Variants in ZNF644 observed in about 807,000 individuals in gnomAD.
The protein encoded by ZNF644 is zinc finger motif enhancer binding protein 2.
Under a neutral mutation model 108.0 loss-of-function variants are expected in ZNF644, and 20 were observed. That is an observed-to-expected ratio of 0.19 (90% CI 0.13 to 0.27). The LOEUF (loss-of-function observed/expected upper bound fraction) is 0.27, where lower values mean the gene tolerates loss of function less well. ZNF644 is among the 10% of genes least tolerant of loss of function. The pLI is 1.00. For synonymous variants in ZNF644, 542 were observed against 539.1 expected, an observed-to-expected ratio of 1.01 and a Z score of -0.08; for missense variants, 1,338 against 1,548.9, an observed-to-expected ratio of 0.86 and a Z score of 2.29.
chr1:90,926,459 G>T (rs2100828268), intron 4 of ZNF644, among the ~76,000 whole-genome samples: 1 of 152,246 alleles, frequency 6.6e-6, no homozygotes, highest in African/African-American at 2.4e-5. Flanking sequence ...TCTGTCTGAG[G>T]ATACACTTCC....
At chr1:90,927,550 T>C (rs891154587) in intron 4 of ZNF644, among the ~76,000 whole-genome samples, 7 of 152,148 alleles carry the variant, frequency 4.6e-5, no homozygotes, top group African/African-American at 1.7e-4. Flanking sequence ...TTATTAACAG[T>C]TAAAGGACTA....
intron 2 of ZNF644, among the ~76,000 whole-genome samples, chr1:90,954,304 A>C (rs1653507151): frequency 6.6e-6 from 1 of 152,186 alleles, no homozygotes; most frequent in Non-Finnish European, 1.5e-5. Context: ...TTTCACTACG[A>C]GTAGACTCCC....
intron 4 of ZNF644, among the ~76,000 whole-genome samples, chr1:90,933,419 T>TG (rs1426961655): frequency 6.6e-6 from 1 of 152,140 alleles, no homozygotes; most frequent in Non-Finnish European, 1.5e-5. Flanking sequence ...CCCAGCACTT[T>TG]GGGAGGCTAA....
chr1:90,929,405 T>C (rs1650452391), intron 4 of ZNF644, among the ~76,000 whole-genome samples: 1 of 152,224 alleles, frequency 6.6e-6, no homozygotes, highest in African/African-American at 2.4e-5. Flanking sequence ...CAGCCCAGTC[T>C]GGAAGAATTG....
intron 1 of ZNF644, among the ~76,000 whole-genome samples, chr1:90,992,577 T>C (rs1043258993): frequency 5.3e-5 from 8 of 152,222 alleles, no homozygotes; most frequent in African/African-American, 1.9e-4. Context: ...ACAAAATTTG[T>C]ACCTGCCCCA....
In ZNF644 at chr1:90,938,453, G is replaced by A. The variant is rs1651581272; in HGVS notation, c.2901C>T (p.Tyr967=). ...DLSLEKKSCP[Y]CPATFETGVG... is the part of the protein sequence containing the mutation. ...CACCTGTTTCAAATGTTGCTGGGCA[G>A]TAAGGACACGATTTCTTCTCAAGAG... is the stretch of plus-strand genomic sequence containing the variant. The change falls in exon 3 of 6, where the codon TAC becomes TAT. Residue 967 remains tyrosine, a synonymous_variant. Transcript: ENST00000337393. The surrounding 1 kb of genome is among the most constrained non-coding windows in gnomAD (Gnocchi z 4.2). The A allele has an allele frequency of 1.2e-6, 2 of 1,613,882 alleles. No individual in the cohort carries two copies. The highest frequency in any genetic ancestry group is 1.7e-5 in the Admixed American group (1 of 59,984).
intron 2 of ZNF644, among the ~76,000 whole-genome samples, chr1:90,965,070 G>GT (rs1332593222): frequency 3.9e-5 from 6 of 152,142 alleles, no homozygotes; most frequent in Non-Finnish European, 8.8e-5. Flanking sequence ...AGTGAGGAGA[G>GT]TAAGTTTTAC....
intron 2 of ZNF644, among the ~76,000 whole-genome samples, chr1:90,965,472 T>C (rs1654766602): frequency 6.6e-6 from 1 of 152,122 alleles, no homozygotes; most frequent in East Asian, 1.9e-4. Context: ...TATTTCCAAG[T>C]GAGGTTATAG....
intron 2 of ZNF644, among the ~76,000 whole-genome samples, chr1:90,977,903 G>C (rs1239219839): frequency 1.3e-5 from 2 of 152,124 alleles, no homozygotes; most frequent in Non-Finnish European, 2.9e-5. Flanking sequence ...TAAGCAGAAA[G>C]AAAAAGATGT....
intron 1 of ZNF644, among the ~76,000 whole-genome samples, chr1:90,997,226 A>G (rs1279572569): frequency 6.6e-6 from 1 of 152,188 alleles, no homozygotes; most frequent in African/African-American, 2.4e-5. Flanking sequence ...GAGGCTCTAC[A>G]CAAGCAGGAA....
intron 1 of ZNF644, among the ~76,000 whole-genome samples, chr1:91,007,764 T>C (rs187178999): frequency 1.2e-4 from 19 of 152,216 alleles, no homozygotes; most frequent in Non-Finnish European, 1.8e-4. Flanking sequence ...AAAGATGCAA[T>C]ACCTTTACTT....
intron 4 of ZNF644, among the ~76,000 whole-genome samples, chr1:90,921,128 G>T (rs1043980018): frequency 6.6e-6 from 1 of 152,032 alleles, no homozygotes; most frequent in African/African-American, 2.4e-5. Context: ...AAAAGGATGA[G>T]GTAGAAACAT....
chr1:90,923,376 T>G (rs976677833), intron 4 of ZNF644, among the ~76,000 whole-genome samples: 7 of 152,028 alleles, frequency 4.6e-5, no homozygotes, highest in Admixed American at 1.3e-4. Context: ...TGAGAAAAAT[T>G]GTTAAATCCC....
At chr1:90,994,577 A>G (rs1657948839) in intron 1 of ZNF644, among the ~76,000 whole-genome samples, 1 of 152,212 alleles carries the variant, frequency 6.6e-6, no homozygotes, top group Non-Finnish European at 1.5e-5. Context: ...GTAGGCAGAA[A>G]CTAGAAAGAA....
At chr1:90,997,962 C>A (rs1658328245) in intron 1 of ZNF644, among the ~76,000 whole-genome samples, 1 of 152,214 alleles carries the variant, frequency 6.6e-6, no homozygotes, top group Admixed American at 6.5e-5. Context: ...GCACAGCAGT[C>A]TGAGATCGAA....
chr1:90,941,535 C>A (rs547118237), intron 2 of ZNF644, among the ~76,000 whole-genome samples: 3 of 152,086 alleles, frequency 2.0e-5, no homozygotes, highest in African/African-American at 7.2e-5. Context: ...CAGTCCAATA[C>A]GTCATGTATA....
In ZNF644 at chr1:91,003,687, CA is replaced by C. The variant is rs199940770; in HGVS notation, c.-18+18302del. Among the ~76,000 whole-genome samples, 75 of 148,490 alleles carry C rather than the reference CA, an allele frequency of 5.1e-4. 1 individual carries two copies. In the South Asian group the frequency reaches 0.012, roughly 23 times the overall value. On this transcript the variant is annotated intron_variant, in intron 1 of 5. Coordinates refer to ENST00000337393, the MANE Select transcript of ZNF644 (RefSeq NM_201269.3). ...CCTAGAACTTAAAGTATAATAATATCAAAAAAAAATACAAAGAAAAAAAGAA... is the reference window on the plus strand; with the variant it reads ...CCTAGAACTTAAAGTATAATAATATCAAAAAAAATACAAAGAAAAAAAGAA...
chr1:91,007,219 C>CTTTTT (rs1557658445), intron 1 of ZNF644, among the ~76,000 whole-genome samples: 1 of 114,246 alleles, frequency 8.8e-6, no homozygotes, highest in Non-Finnish European at 1.8e-5. Flanking sequence ...CATTTTCTCC[C>CTTTTT]ATTTTGTTTT....
chr1:90,983,539 T>C (rs1404182939), intron 1 of ZNF644, among the ~76,000 whole-genome samples: 4 of 150,642 alleles, frequency 2.7e-5, no homozygotes, highest in Non-Finnish European at 5.9e-5. Flanking sequence ...TTAAGGATCT[T>C]GAGAGGGAGG....
Sources: gnomAD v4.1 joint callset for allele counts (sites outside exome capture counted in the v4.1 genomes callset) on GRCh38, gnomAD v4.1.1 for gene constraint, Gnocchi (gnomAD v3.1) non-coding constraint, MANE v1.5 for transcripts, NCBI Gene and HGNC (gene_info 2026-07-23, HGNC 2026-07-21) for gene names.